The following ASIP variants were observed in gnomAD, a reference collection of about 807,000 sequenced individuals.
ASIP encodes the protein agouti signaling protein.
A neutral mutation model predicts 10.3 loss-of-function variants in ASIP; 11 were observed. The observed-to-expected ratio is 1.07, with a 90% CI of 0.68 to 1.78. The LOEUF is 1.78. Among genes scored for constraint, ASIP ranks in the 40% most tolerant of loss-of-function variants. ASIP has a pLI of 0.00. For synonymous variants in ASIP, 70 were observed against 70.8 expected (o/e 0.99, Z 0.06); for missense variants, 180 against 169.2 (o/e 1.06, Z -0.35).
chr20:34,223,534 C>T (rs2035068848), intron 1 of ASIP, among the ~76,000 whole-genome samples: 2 of 127,264 alleles, frequency 1.6e-5, no homozygotes, highest in South Asian at 2.1e-4. Context: ...CCGTGCCATC[C>T]GGGAGGGAGG....
intron 1 of ASIP, among the ~76,000 whole-genome samples, chr20:34,196,535 G>A (rs532475693): frequency 2.0e-5 from 3 of 152,228 alleles, no homozygotes; most frequent in African/African-American, 4.8e-5. Flanking sequence ...GAGGAGATGC[G>A]GGCGGGACGT....
chr20:34,235,522 G>A (rs903110404), intron 1 of ASIP, among the ~76,000 whole-genome samples: 4 of 152,094 alleles, frequency 2.6e-5, no homozygotes, highest in Admixed American at 6.6e-5. Context: ...ATGGGATATG[G>A]AGAAACTTCT....
At chr20:34,216,416 C>A (rs1195633424) in intron 1 of ASIP, among the ~76,000 whole-genome samples, 2 of 152,144 alleles carry the variant, frequency 1.3e-5, no homozygotes, top group African/African-American at 4.8e-5. Context: ...AAAATGGCGT[C>A]TTATGATAAG....
At chr20:34,207,389 T>A (rs529821059) in intron 1 of ASIP, among the ~76,000 whole-genome samples, 2 of 152,346 alleles carry the variant, frequency 1.3e-5, no homozygotes, top group African/African-American at 2.4e-5. Flanking sequence ...TGGATTTTTT[T>A]AAACCAGTGA....
chr20:34,215,848 T>C, intron 1 of ASIP: 2 of 1,318,332 alleles, frequency 1.5e-6, no homozygotes, highest in Non-Finnish European at 2.2e-6. Context: ...GTCTAAAGTC[T>C]GAATCAGCAT....
At chr20:34,233,398 C>T (rs1459002611) in intron 1 of ASIP, among the ~76,000 whole-genome samples, 4 of 152,026 alleles carry the variant, frequency 2.6e-5, no homozygotes, top group African/African-American at 4.8e-5. Context: ...CTGCCCACCT[C>T]GGCCTCCCAC....
chr20:34,190,086 G>A (rs1025083186), upstream of ASIP, among the ~76,000 whole-genome samples: 13 of 152,164 alleles, frequency 8.5e-5, no homozygotes, highest in Admixed American at 5.9e-4. Context: ...CAATAGCCTA[G>A]GCAAGAGCTT....
intron 1 of ASIP, among the ~76,000 whole-genome samples, chr20:34,206,788 A>G (rs1175470604): frequency 6.6e-6 from 1 of 152,192 alleles, no homozygotes; most frequent in Non-Finnish European, 1.5e-5. Flanking sequence ...TACATTGGCC[A>G]GGCTGGTCTC....
At chr20:34,199,185 A>C (rs2122533955) in intron 1 of ASIP, among the ~76,000 whole-genome samples, 1 of 152,286 alleles carries the variant, frequency 6.6e-6, no homozygotes, top group African/African-American at 2.4e-5. Context: ...ATTTATCTAC[A>C]ATTTACATGG....
At chr20:34,266,662 G>A (rs1053479815) in intron 3 of ASIP, among the ~76,000 whole-genome samples, 1 of 152,124 alleles carries the variant, frequency 6.6e-6, no homozygotes. Context: ...GACACAGCAA[G>A]ACTCCATCTC....
At chr20:34,212,333 T>C (rs2034979855) in intron 1 of ASIP, among the ~76,000 whole-genome samples, 1 of 152,224 alleles carries the variant, frequency 6.6e-6, no homozygotes, top group African/African-American at 2.4e-5. Flanking sequence ...GCCTGTGTGT[T>C]CACTCTCTTT....
intron 1 of ASIP, chr20:34,214,430 C>A (rs1426273259): frequency 6.0e-6 from 9 of 1,498,826 alleles, no homozygotes; most frequent in African/African-American, 1.4e-5. Context: ...TCATACCCTG[C>A]AAAGCACTAG....
rs980511943 is a variant in ASIP, at chr20:34,215,553, CAAA to C, written c.-11+20796_-11+20798del. 12 of 1,508,610 alleles carry C rather than the reference CAAA, an allele frequency of 8.0e-6. No individual in the cohort carries two copies. In the Admixed American group the frequency reaches 2.0e-4, roughly 25 times the overall value. The allele number at this position is 1,508,610 out of a possible 1,614,324, so 93.5% of individuals were successfully genotyped here. Reference sequence around the variant, plus strand: ...GGCCACTTAGTGAGATATTCTGCAACAAAAAGCAAGGCGAGGACTTGGGCGGCT... The same window carrying C: ...GGCCACTTAGTGAGATATTCTGCAACAAGCAAGGCGAGGACTTGGGCGGCT... On this transcript the variant is annotated intron_variant, in intron 1 of 3. Transcript: ENST00000568305.
chr20:34,205,412 C>G (rs947237486), intron 1 of ASIP, among the ~76,000 whole-genome samples: 2 of 150,232 alleles, frequency 1.3e-5, no homozygotes, highest in African/African-American at 2.5e-5. Flanking sequence ...TCATTCCTCC[C>G]GCTGGGCTCG....
chr20:34,203,649 G>A (rs970176916), intron 1 of ASIP, among the ~76,000 whole-genome samples: 3 of 152,066 alleles, frequency 2.0e-5, no homozygotes, highest in African/African-American at 7.2e-5. Context: ...CTCCCACCTC[G>A]GCCTCCCAAA....
intron 1 of ASIP, among the ~76,000 whole-genome samples, chr20:34,212,702 C>T (rs947368515): frequency 6.6e-6 from 1 of 152,046 alleles, no homozygotes; most frequent in Non-Finnish European, 1.5e-5. Context: ...AAAAAAAATT[C>T]TTCTTTTGTG....
chr20:34,260,453 G>A lies in ASIP; in HGVS notation c.79G>A (p.Glu27Lys). 1 of 1,614,148 alleles carries A rather than the reference G, an allele frequency of 6.2e-7. No homozygotes were observed. The highest frequency in any genetic ancestry group is 8.5e-7 in the Non-Finnish European group (1 of 1,180,008). Reference protein sequence around the residue: ...FFTANSHLPPEEKLRDDRSLR... With the variant: ...FFTANSHLPPKEKLRDDRSLR... ...CACTGCCAACAGCCACCTGCCACCTGAGGAGAAGCTCCGAGATGACAGGAG... is the reference window on the plus strand; with the variant it reads ...CACTGCCAACAGCCACCTGCCACCTAAGGAGAAGCTCCGAGATGACAGGAG... The change falls in exon 2 of 4, where the codon GAG (glutamate) becomes AAG (lysine). Residue 27 changes from glutamate to lysine, a missense_variant. Coordinates refer to ENST00000374954, the MANE Select transcript of ASIP (RefSeq NM_001672.3).
upstream of ASIP, among the ~76,000 whole-genome samples, chr20:34,238,912 G>T (rs1045024996): frequency 5.3e-5 from 8 of 152,226 alleles, no homozygotes; most frequent in East Asian, 1.5e-3. Flanking sequence ...CCTAGAAGTT[G>T]CAAGCCTTCA....
intron 1 of ASIP, among the ~76,000 whole-genome samples, chr20:34,201,278 C>G (rs531662750): frequency 6.6e-6 from 1 of 152,178 alleles, no homozygotes; most frequent in East Asian, 1.9e-4. Flanking sequence ...TGATAACTTC[C>G]TTATGAACTC....
Sources: allele counts gnomAD v4.1 joint callset (sites outside exome capture counted in the v4.1 genomes callset), GRCh38; gene constraint gnomAD v4.1.1; transcripts MANE v1.5; gene names NCBI Gene and HGNC (gene_info 2026-07-23, HGNC 2026-07-21).